The following LPCAT3 variants were observed in gnomAD, a reference collection of about 807,000 sequenced individuals.
LPCAT3 encodes lysophosphatidylcholine acyltransferase 3.
Under a neutral mutation model 63.4 loss-of-function variants are expected in LPCAT3, and 21 were observed. The ratio of observed to expected loss-of-function variants is 0.33; its 90% CI spans 0.23 to 0.48. The LOEUF (loss-of-function observed/expected upper bound fraction) is 0.48. Among genes scored for constraint, LPCAT3 ranks in the 20% least tolerant of loss-of-function variants. The probability of loss-of-function intolerance (pLI) is 0.99; values close to 1 mark genes in which losing one functional copy is unlikely to be tolerated. For synonymous variants in LPCAT3, 242 were observed against 227.5 expected, an observed-to-expected ratio of 1.06 and a Z score of -0.58; for missense variants, 451 against 590.6, an observed-to-expected ratio of 0.76 and a Z score of 2.45.
chr12:6,999,433 T>G (rs1946666292), intron 1 of LPCAT3, among the ~76,000 whole-genome samples: 1 of 152,218 alleles, frequency 6.6e-6, no homozygotes, highest in Non-Finnish European at 1.5e-5. Context: ...GAAATGTTAG[T>G]TTTTTACTCT....
intron 1 of LPCAT3, among the ~76,000 whole-genome samples, chr12:7,002,820 C>T (rs1946697996): frequency 6.6e-6 from 1 of 152,084 alleles, no homozygotes; most frequent in South Asian, 2.1e-4. Flanking sequence ...ACCAGCCTGG[C>T]CAACATGGTG....
At chr12:6,978,140 A>G in intron 9 of LPCAT3, 2 of 633,610 alleles carry the variant, frequency 3.2e-6, no homozygotes, top group East Asian at 2.7e-5. Context: ...GCACTTTTAT[A>G]TCTTGCCTTT....
chr12:7,003,016 GA>G (rs1220388563), intron 1 of LPCAT3, among the ~76,000 whole-genome samples: 19 of 149,118 alleles, frequency 1.3e-4, no homozygotes, highest in South Asian at 4.2e-4. Flanking sequence ...CTCAAAAAAA[GA>G]AAAAAAAAAT....
intron 1 of LPCAT3, among the ~76,000 whole-genome samples, chr12:7,011,526 G>A (rs1296935662): frequency 6.6e-6 from 1 of 151,896 alleles, no homozygotes; most frequent in African/African-American, 2.4e-5. Flanking sequence ...GCTCACGCCT[G>A]TAGTTCCAGC....
chr12:6,984,656 C>T (rs1565599317), intron 1 of LPCAT3, among the ~76,000 whole-genome samples: 1 of 152,166 alleles, frequency 6.6e-6, no homozygotes, highest in Non-Finnish European at 1.5e-5. Context: ...GCACGATCAT[C>T]GCTCACTGCA....
In LPCAT3 at chr12:6,979,373, A is replaced by G. The variant is rs1441442500; in HGVS notation, c.786+98T>C. On this transcript the variant is annotated intron_variant, in intron 7 of 12. Transcript: ENST00000261407. Reference sequence around the variant, plus strand: ...GAGCAAAACCAACATGCACTTGTAGATGATATTTCCTACTTCTCTGCTATC... The same window carrying G: ...GAGCAAAACCAACATGCACTTGTAGGTGATATTTCCTACTTCTCTGCTATC... 2.8e-5 allele frequency: 24 copies of G among 871,938 alleles called. 3 individuals are homozygous for G. In the Admixed American group the frequency reaches 4.9e-4, roughly 18 times the overall value. 54.0% of individuals were successfully genotyped at this position (871,938 alleles called of 1,614,324 possible). A position where few individuals can be genotyped will look rare whatever the true frequency, so the allele number is the denominator to read the frequency against.
At chr12:6,981,655 G>A (rs782800908) in intron 4 of LPCAT3, 23 bp from the exon 5 acceptor site, 46 of 1,613,130 alleles carry the variant, frequency 2.9e-5, no homozygotes, top group Non-Finnish European at 3.8e-5. Flanking sequence ...AGAACGGATG[G>A]GTAGGGTGGT....
In LPCAT3 at chr12:6,977,429, A is replaced by G; in HGVS notation, c.1285T>C (p.Trp429Arg). The stretch of plus-strand genomic sequence containing the variant: ...GTCATGGAGTAACCCATGAAGAGCC[A>G]GTGGATGGTCTGTTGCACCAAATAG... ...FYYLVQQTIH[W>R]LFMGYSMTAF... Residue 429 changes from tryptophan (W) to arginine (R), a missense_variant, in exon 11 of 13, where the codon TGG (tryptophan) becomes CGG (arginine). Transcript: ENST00000261407. The surrounding 1 kb of genome is among the most constrained non-coding windows in gnomAD (Gnocchi z 4.5). 1 of 1,614,210 alleles carries G rather than the reference A, an allele frequency of 6.2e-7. No homozygotes were observed. The highest frequency in any genetic ancestry group is 8.5e-7 in the Non-Finnish European group (1 of 1,180,028).
intron 1 of LPCAT3, among the ~76,000 whole-genome samples, chr12:6,984,171 G>T (rs369064061): frequency 2.0e-5 from 3 of 152,196 alleles, no homozygotes; most frequent in Non-Finnish European, 2.9e-5. Context: ...ACTCCTCACA[G>T]TCTGTAATCT....
chr12:6,976,477 C>A lies in LPCAT3; in HGVS notation c.*427G>T, dbSNP rs1555153203. The A allele has an allele frequency of 6.5e-6, 1 of 153,466 alleles. No individual in the cohort carries two copies. The highest frequency in any genetic ancestry group is 6.5e-5 in the Admixed American group (1 of 15,408). The allele number at this position is 153,466 out of a possible 1,614,324, so 9.5% of individuals were successfully genotyped here. On this transcript the variant is annotated 3_prime_UTR_variant, in exon 13 of 13. Transcript: ENST00000261407. ...CGGTGGCTCACGCCTGTAATCCCAG[C>A]ACTTTGGGAGGCGGAGGCGGGTGGA...
Position 6,982,754 on chromosome 12 carries a change from A to G in LPCAT3, c.288T>C (p.Cys96=). ...GAAGGATGAGGAACTGAAGCACAAT[A>G]CACAGCAGGGAGTGGTAGAGCTGGT... is the stretch of plus-strand genomic sequence containing the variant. ...FGNQLYHSLL[C]IVLQFLILRL... The change falls in exon 3 of 13, where the codon TGT becomes TGC. Residue 96 remains cysteine, a synonymous_variant. Coordinates refer to ENST00000261407, the MANE Select transcript of LPCAT3 (RefSeq NM_005768.6). 1 of 1,613,906 alleles carries G rather than the reference A, an allele frequency of 6.2e-7. No individual in the cohort carries two copies.
chr12:6,997,159 A>C (rs1462036775), intron 1 of LPCAT3: 2 of 152,154 alleles, frequency 1.3e-5, no homozygotes, highest in Non-Finnish European at 2.9e-5. Context: ...TCCTCCTTTC[A>C]CATTTTAAAG....
At chr12:6,979,878 A>C in intron 6 of LPCAT3, 1 of 357,296 alleles carries the variant, frequency 2.8e-6, no homozygotes, top group South Asian at 5.7e-5. Context: ...CAGGTCTCAC[A>C]ATCTCCATTG....
chr12:6,978,855 G>T, intron 7 of LPCAT3, 166 bp from the exon 8 acceptor site: 2 of 906,736 alleles, frequency 2.2e-6, no homozygotes, highest in Non-Finnish European at 3.3e-6. Flanking sequence ...AGGCAGAGAG[G>T]AATAAGCAGA....
Position 7,018,287 on chromosome 12 carries a change from G to A in LPCAT3, c.138C>T (p.Ile46=). The A allele has an allele frequency of 1.9e-6, 3 of 1,604,014 alleles. No homozygotes were observed. Among genetic ancestry groups the A allele is most frequent in the East Asian group, 2.2e-5 (1 of 44,482 alleles). ...GAGGGTCCTTACCCAGGAAGATGGA[G>A]ATGATCAGCCGCAGCGCCTGTTCTG... ...GASEQALRLI[I]SIFLGYPFAL... is the part of the protein sequence containing the mutation. Residue 46 remains isoleucine, a synonymous_variant, in exon 1 of 13, where the codon ATC becomes ATT. Coordinates refer to ENST00000261407, the MANE Select transcript of LPCAT3 (RefSeq NM_005768.6). This position sits in a 1 kb window ranked among gnomAD's most constrained non-coding sequence, Gnocchi z 4.9.
At chr12:6,992,688 TTC>T (rs1255050667) in intron 1 of LPCAT3, among the ~76,000 whole-genome samples, 2 of 152,220 alleles carry the variant, frequency 1.3e-5, no homozygotes, top group Non-Finnish European at 2.9e-5. Flanking sequence ...AGTCTTTCCT[TTC>T]TCCCTGGTTT....
At chr12:7,008,897 T>C (rs1443201784) in intron 1 of LPCAT3, among the ~76,000 whole-genome samples, 3 of 152,224 alleles carry the variant, frequency 2.0e-5, no homozygotes, top group Non-Finnish European at 4.4e-5. Flanking sequence ...ACAACATCTC[T>C]TTATTCCTCA....
chr12:6,981,500 C>T (rs782070585), intron 5 of LPCAT3, 95 bp downstream of exon 5: 10 of 1,223,494 alleles, frequency 8.2e-6, no homozygotes, highest in African/African-American at 1.5e-5. Context: ...GAGGGAGAGG[C>T]TCCGCTCTGG....
intron 1 of LPCAT3, among the ~76,000 whole-genome samples, chr12:6,990,874 G>A (rs782288140): frequency 6.5e-5 from 9 of 138,892 alleles, no homozygotes; most frequent in Middle Eastern, 4.2e-3. Context: ...CTGAGATCAC[G>A]CCACTGTGCT....
Sources: allele counts gnomAD v4.1 joint callset (sites outside exome capture counted in the v4.1 genomes callset), GRCh38; gene constraint gnomAD v4.1.1; non-coding constraint Gnocchi (gnomAD v3.1); transcripts MANE v1.5; gene names NCBI Gene and HGNC (gene_info 2026-07-23, HGNC 2026-07-21).